Variants in FLT1 observed in about 807,000 individuals in gnomAD.
The protein encoded by FLT1 is vascular endothelial growth factor receptor 1.
Under a neutral mutation model 156.3 loss-of-function variants are expected in FLT1, and 49 were observed. That is an observed-to-expected ratio of 0.31 (90% CI 0.25 to 0.40). FLT1 has a LOEUF of 0.40. FLT1 is among the 10% of genes least tolerant of loss of function. FLT1 has a pLI of 1.00. For missense variants in FLT1, 1,322 were observed against 1,637.2 expected, an observed-to-expected ratio of 0.81 and a Z score of 3.32; for synonymous variants, 594 against 583.8, an observed-to-expected ratio of 1.02 and a Z score of -0.25.
At chr13:28,364,990 T>C (rs2137419865) in intron 14 of FLT1, among the ~76,000 whole-genome samples, 1 of 152,310 alleles carries the variant, frequency 6.6e-6, no homozygotes, top group East Asian at 1.9e-4. Context: ...AATTGGAATG[T>C]TTATTGGAAT....
intron 11 of FLT1, chr13:28,399,206 A>C: frequency 4.9e-6 from 4 of 817,472 alleles, no homozygotes; most frequent in South Asian, 4.9e-5. Flanking sequence ...GTATGCAAAA[A>C]ATTCAGAAAC....
intron 18 of FLT1, among the ~76,000 whole-genome samples, chr13:28,331,792 AT>A (rs1871942198): frequency 6.6e-6 from 1 of 152,138 alleles, no homozygotes; most frequent in Non-Finnish European, 1.5e-5. Flanking sequence ...GCTGAATGAA[AT>A]TTTTTAAAGG....
intron 14 of FLT1, among the ~76,000 whole-genome samples, chr13:28,377,505 G>A (rs1266668954): frequency 6.6e-6 from 1 of 150,598 alleles, no homozygotes; most frequent in Admixed American, 6.8e-5. Flanking sequence ...AGCGAATAAG[G>A]CAGGACACAC....
At chr13:28,479,143 A>C (rs1271496714) in intron 1 of FLT1, among the ~76,000 whole-genome samples, 1 of 152,226 alleles carries the variant, frequency 6.6e-6, no homozygotes, top group Non-Finnish European at 1.5e-5. Flanking sequence ...CTATCTTTGC[A>C]ACCAATAATA....
intron 14 of FLT1, among the ~76,000 whole-genome samples, chr13:28,374,488 C>T (rs888009431): frequency 2.6e-5 from 4 of 151,798 alleles, no homozygotes; most frequent in Non-Finnish European, 5.9e-5. Flanking sequence ...GTGATGCCCA[C>T]ATTTACAAGT....
chr13:28,303,498 C>T, intron 29 of FLT1, 130 bp from the exon 30 acceptor site: 1 of 797,794 alleles, frequency 1.3e-6, no homozygotes, highest in Non-Finnish European at 2.1e-6. Context: ...TGGAACCCCC[C>T]CCCCCTCAAT....
rs181831152 is a variant in FLT1 at position 28,394,488 on chromosome 13, T to C, written c.1660+2472A>G. On this transcript the variant is annotated intron_variant, in intron 12 of 29. Coordinates refer to ENST00000282397, the MANE Select transcript of FLT1 (RefSeq NM_002019.4). ...AGATCACCTTTATCAACTTGGGCCC[T>C]TTCAGCAACAACACCATGGGTAGAA... Among the ~76,000 whole-genome samples, 166 of 152,228 alleles carry C rather than the reference T, an allele frequency of 1.1e-3. 1 individual carries two copies. The highest frequency in any genetic ancestry group is 3.9e-3 in the African/African-American group (161 of 41,552).
At chr13:28,343,489 C>T (rs775253436) in intron 16 of FLT1, among the ~76,000 whole-genome samples, 9 of 150,644 alleles carry the variant, frequency 6.0e-5, no homozygotes, top group Admixed American at 4.6e-4. Flanking sequence ...TTAGTAGAGA[C>T]GGGTTTTCAC....
rs1254144483 is a variant in FLT1 at position 28,301,908 on chromosome 13, C to T, written c.*1259G>A. On this transcript the variant is annotated 3_prime_UTR_variant, in exon 30 of 30. Transcript: ENST00000282397. ...ATAAATTACATACCACCTTTTTACT[C>T]AAGGAGCTTAAAGTGCTTAATATGC... 1 of 233,498 alleles carries T rather than the reference C, an allele frequency of 4.3e-6. No individual in the cohort carries two copies. Among genetic ancestry groups the T allele is most frequent in the Non-Finnish European group, 8.5e-6 (1 of 117,990 alleles). The allele number at this position is 233,498 out of a possible 1,614,324, so 14.5% of individuals were successfully genotyped here. A position where few individuals can be genotyped will look rare whatever the true frequency, so the allele number is the denominator to read the frequency against.
At chr13:28,461,593 G>A (rs187336345) in intron 3 of FLT1, among the ~76,000 whole-genome samples, 617 of 152,126 alleles carry the variant, frequency 4.1e-3, no homozygotes, top group African/African-American at 0.014. Context: ...CAGCCTGGGC[G>A]ACAAAGCAAG....
intron 13 of FLT1, chr13:28,388,766 C>A: frequency 9.4e-7 from 1 of 1,059,590 alleles, no homozygotes; most frequent in Non-Finnish European, 1.1e-6. Flanking sequence ...TCTCTGGTTA[C>A]AATAGCCTTT....
intron 3 of FLT1, among the ~76,000 whole-genome samples, chr13:28,444,098 A>G (rs1033776797): frequency 1.3e-5 from 2 of 152,222 alleles, no homozygotes; most frequent in African/African-American, 4.8e-5. Flanking sequence ...CAAAGGGAGA[A>G]ATAGACAGTT....
intron 13 of FLT1, chr13:28,386,233 A>C (rs1874353264): frequency 9.5e-7 from 1 of 1,052,974 alleles, no homozygotes; most frequent in Non-Finnish European, 1.1e-6. Context: ...GCCACGTCCC[A>C]AAACCTTTCC....
intron 10 of FLT1, among the ~76,000 whole-genome samples, chr13:28,415,100 C>A (rs1471457978): frequency 6.6e-6 from 1 of 152,220 alleles, no homozygotes; most frequent in Non-Finnish European, 1.5e-5. Flanking sequence ...GTCATCCAGT[C>A]TAATGGCAAA....
intron 14 of FLT1, among the ~76,000 whole-genome samples, chr13:28,381,580 A>G (rs1414284759): frequency 6.6e-6 from 1 of 151,992 alleles, no homozygotes; most frequent in Admixed American, 6.5e-5. Flanking sequence ...AACAAACAAA[A>G]CAAAAACAAA....
intron 3 of FLT1, among the ~76,000 whole-genome samples, chr13:28,445,038 A>G (rs1864936362): frequency 1.3e-5 from 2 of 152,228 alleles, no homozygotes; most frequent in Admixed American, 1.3e-4. Flanking sequence ...AGTAGAAATT[A>G]AAGAGAATGC....
In FLT1 at chr13:28,415,695, A is replaced by G. The variant is rs1248092867; in HGVS notation, c.1437-9801T>C. On this transcript the variant is annotated intron_variant, in intron 10 of 29. Coordinates refer to ENST00000282397, the MANE Select transcript of FLT1 (RefSeq NM_002019.4). The stretch of plus-strand genomic sequence containing the variant: ...TTGAGCACAGGCAAGTAAAATGACA[A>G]AAGCCCATATACTACTATAGGCTGA... Among the ~76,000 whole-genome samples the G allele has an allele frequency of 2.6e-5, 4 of 152,350 alleles. No homozygotes were observed. The East Asian group carries it at 7.7e-4, about 29-fold the overall frequency.
intron 13 of FLT1, chr13:28,388,590 C>T (rs1486245774): frequency 3.8e-6 from 4 of 1,054,468 alleles, no homozygotes; most frequent in Non-Finnish European, 4.6e-6. Flanking sequence ...ATTACAACTT[C>T]TCTTGATTTA....
intron 11 of FLT1, among the ~76,000 whole-genome samples, 165 bp from the exon 12 acceptor site, chr13:28,397,233 A>G (rs780935062): frequency 1.9e-4 from 29 of 152,190 alleles, no homozygotes; most frequent in Non-Finnish European, 3.8e-4. Flanking sequence ...GAGCCCCAAC[A>G]AGAATGGAAA....
Sources: allele counts gnomAD v4.1 joint callset (sites outside exome capture counted in the v4.1 genomes callset), GRCh38; gene constraint gnomAD v4.1.1; transcripts MANE v1.5; gene names NCBI Gene and HGNC (gene_info 2026-07-23, HGNC 2026-07-21).